MYO1C: variants seen among roughly 807,000 people sequenced by gnomAD.
MYO1C encodes the protein myosin IC.
In MYO1C, 104 loss-of-function variants were observed where a neutral mutation model predicts 150.8. The observed-to-expected ratio is 0.69, with a 90% CI of 0.59 to 0.81. The LOEUF is 0.81. Among genes scored for constraint, MYO1C ranks in the 30% least tolerant of loss-of-function variants. MYO1C has a pLI of 0.00. For missense variants in MYO1C, 1,504 were observed against 1,435.0 expected (o/e 1.05, Z -0.78); for synonymous variants, 663 against 579.9 (o/e 1.14, Z -2.06).
intron 23 of MYO1C, 32 bp downstream of exon 23, chr17:1,470,403 C>G: frequency 1.3e-6 from 2 of 1,549,486 alleles, no homozygotes; most frequent in Non-Finnish European, 1.7e-6. Flanking sequence ...ACGCCCTGCT[C>G]TGCAGCCCCC....
In MYO1C at chr17:1,477,498, C is replaced by A; in HGVS notation, c.1574+7G>T. ...CTTGCCCCCAGCAGCCCCGCAGCCC[C>A]ACTCACGTCAGGAAGTGTGGATGGT... On this transcript the variant is annotated splice_region_variant and intron_variant, in intron 14 of 31. Transcript: ENST00000648651. The A allele has an allele frequency of 6.2e-7, 1 of 1,613,490 alleles. No homozygotes were observed. The highest frequency in any genetic ancestry group is 8.5e-7 in the Non-Finnish European group (1 of 1,179,814).
intron 14 of MYO1C, among the ~76,000 whole-genome samples, chr17:1,475,330 A>G (rs573348152): frequency 4.4e-4 from 67 of 152,144 alleles, no homozygotes; most frequent in African/African-American, 1.6e-3. Flanking sequence ...GACAAAGGAG[A>G]ATCGCTTGAA....
intron 14 of MYO1C, among the ~76,000 whole-genome samples, chr17:1,475,602 CT>C (rs1253932653): frequency 6.6e-6 from 1 of 152,272 alleles, no homozygotes; most frequent in African/African-American, 2.4e-5. Context: ...GCTGCGGGCT[CT>C]GCTCAGAAGG....
Position 1,472,014 on chromosome 17 carries a change from G to A in MYO1C, c.1914C>T (p.Asp638=), listed in dbSNP as rs527860096. 3.0e-5 allele frequency: 48 copies of A among 1,614,022 alleles called. No individual in the cohort carries two copies. The highest frequency in any genetic ancestry group is 2.2e-4 in the Admixed American group (13 of 60,034). The change falls in exon 19 of 32, where the codon GAC becomes GAT. Residue 638 remains aspartate (D), a synonymous_variant. Transcript: ENST00000648651. ...PNDAKQPGRF[D]EVLIRHQVKY... ...TCACCTGGTGGCGGATCAGCACCTCGTCAAAGCGGCCTGGGGTAGGGGGAG... is the reference window on the plus strand; with the variant it reads ...TCACCTGGTGGCGGATCAGCACCTCATCAAAGCGGCCTGGGGTAGGGGGAG...
chr17:1,490,016 A>G (rs1198679843), intron 1 of MYO1C, among the ~76,000 whole-genome samples: 2 of 133,886 alleles, frequency 1.5e-5, no homozygotes, highest in East Asian at 4.3e-4. Flanking sequence ...CTCCAGACTG[A>G]GTGACAGAGA....
chr17:1,483,166 C>A, intron 3 of MYO1C, 107 bp from the exon 4 acceptor site: 3 of 1,147,368 alleles, frequency 2.6e-6, no homozygotes, highest in Non-Finnish European at 3.7e-6. Flanking sequence ...GTCGAATACA[C>A]CCTTGAGGAT....
rs2074435177 is a variant in MYO1C, at chr17:1,478,016, A to C, written c.1402-45T>G. 1.2e-6 allele frequency: 2 copies of C among 1,611,926 alleles called. No individual in the cohort carries two copies. Among genetic ancestry groups the C allele is most frequent in the Non-Finnish European group, 8.5e-7 (1 of 1,178,128 alleles). On this transcript the variant is annotated intron_variant, in intron 12 of 31. Transcript: ENST00000648651. This position sits in a 1 kb window ranked among gnomAD's most constrained non-coding sequence, Gnocchi z 6.3. Reference sequence around the variant, plus strand: ...GAAGGGATCACCGTGGGGTCCTGGCACCCTCTCCCAGGGGCCCCGATACCC... The same window carrying C: ...GAAGGGATCACCGTGGGGTCCTGGCCCCCTCTCCCAGGGGCCCCGATACCC...
chr17:1,481,781 A>G (rs1353503852), intron 5 of MYO1C, among the ~76,000 whole-genome samples: 5 of 150,300 alleles, frequency 3.3e-5, no homozygotes, highest in South Asian at 4.2e-4. Flanking sequence ...GATTACAGGC[A>G]TGAGCCACCT....
chr17:1,487,712 G>A (rs189554613), intron 1 of MYO1C, among the ~76,000 whole-genome samples: 101 of 152,336 alleles, frequency 6.6e-4, no homozygotes, highest in African/African-American at 2.4e-3. Context: ...GAGTTCAGGA[G>A]TTCGAGACCA....
intron 15 of MYO1C, 28 bp downstream of exon 15, chr17:1,474,908 CCT>C (rs1218495340): frequency 2.5e-6 from 4 of 1,611,610 alleles, no homozygotes; most frequent in Admixed American, 3.4e-5. Context: ...CCCGCAGGCC[CCT>C]GTGGGGACAC....
At chr17:1,468,349 T>C (rs765267825) in intron 26 of MYO1C, 41 bp from the exon 27 acceptor site, 77 of 1,613,514 alleles carry the variant, frequency 4.8e-5, no homozygotes, top group Non-Finnish European at 6.3e-5. Context: ...GTGGAGGCAA[T>C]GGGGGACCAG....
In MYO1C at chr17:1,478,507, C is replaced by G; in HGVS notation, c.1213-15G>C. ...CTCTCCACGTCCTAGGGCAGTCATT[C>G]AACCGAAGGCGTGGGCCCCCTGCGC... On this transcript the variant is annotated splice_polypyrimidine_tract_variant and intron_variant, in intron 10 of 31. Coordinates refer to ENST00000648651, the MANE Select transcript of MYO1C (RefSeq NM_001080779.2). The surrounding 1 kb of genome is among the most constrained non-coding windows in gnomAD (Gnocchi z 6.3). 1 of 1,614,070 alleles carries G rather than the reference C, an allele frequency of 6.2e-7. No homozygotes were observed. The highest frequency in any genetic ancestry group is 8.5e-7 in the Non-Finnish European group (1 of 1,179,998).
Position 1,488,547 on chromosome 17 carries a change from G to A in MYO1C, c.75+3866C>T, listed in dbSNP as rs114359696. 9.3e-4 allele frequency among the ~76,000 whole-genome samples: 142 copies of A among 152,360 alleles called. 1 individual carries two copies. Among genetic ancestry groups the A allele is most frequent in the African/African-American group, 3.0e-3 (126 of 41,588 alleles). ...TCCGTATCATCACTCCAATGCAGAA[G>A]AACTTGAGGCTGGGCAGGTGACTTG... On this transcript the variant is annotated intron_variant, in intron 1 of 31. Coordinates refer to ENST00000648651, the MANE Select transcript of MYO1C (RefSeq NM_001080779.2).
chr17:1,467,416 C>G, intron 30 of MYO1C, 64 bp downstream of exon 30: 1 of 1,596,146 alleles, frequency 6.3e-7, no homozygotes, highest in Non-Finnish European at 8.6e-7. Context: ...CCACCCTGTC[C>G]CTGGGTGCCC....
At position 1,472,192 on chromosome 17, in the gene MYO1C, C is replaced by G. The variant is rs1355430326; in HGVS notation, c.1834G>C (p.Val612Leu). Residue 612 changes from valine (V) to leucine (L), a missense_variant, in exon 18 of 32, where the codon GTG becomes CTG. Transcript: ENST00000648651. Reference protein sequence around the residue: ...TQFKMSLLQLVEILQSKEPAY... With the variant: ...TQFKMSLLQLLEILQSKEPAY... ...GGCTCCTTAGACTGCAGGATCTCCA[C>G]CAGCTGCAGGAGGCTCATCTTGAAC... 1.2e-6 allele frequency: 2 copies of G among 1,614,056 alleles called. No individual in the cohort carries two copies. The highest frequency in any genetic ancestry group is 1.7e-6 in the Non-Finnish European group (2 of 1,180,030).
rs1259670461 is a variant in MYO1C at position 1,486,839 on chromosome 17, G to C, written c.76-2536C>G. 2.6e-5 allele frequency: 4 copies of C among 152,358 alleles called. No individual in the cohort carries two copies. In the East Asian group the frequency reaches 7.7e-4, roughly 30 times the overall value. 9.4% of individuals were successfully genotyped at this position (152,358 alleles called of 1,614,324 possible). ...CCCATCTCCCTCCCTGCTTTGAAGG[G>C]GGCCTCCCTAGTCCCTCCGGATCTC... is the stretch of plus-strand genomic sequence containing the variant. On this transcript the variant is annotated intron_variant, in intron 1 of 31. Transcript: ENST00000648651.
intron 13 of MYO1C, 117 bp from the exon 14 acceptor site, chr17:1,477,713 TC>T: frequency 2.0e-6 from 2 of 987,180 alleles, no homozygotes; most frequent in Non-Finnish European, 1.6e-6. Context: ...ACAGGGAGTC[TC>T]CACAGAGAGC....
At position 1,465,706 on chromosome 17, in the gene MYO1C, G is replaced by A; in HGVS notation, c.*20C>T. Reference sequence around the variant, plus strand: ...AAAAGCAAAGCATTGGGCGTTGGGAGGGTCCAGTGGGCGCCTTTATCACCG... The same window carrying A: ...AAAAGCAAAGCATTGGGCGTTGGGAAGGTCCAGTGGGCGCCTTTATCACCG... On this transcript the variant is annotated 3_prime_UTR_variant, in exon 32 of 32. Transcript: ENST00000648651. 1.5e-6 allele frequency: 2 copies of A among 1,327,664 alleles called. No homozygotes were observed. The highest frequency in any genetic ancestry group is 1.5e-5 in the African/African-American group (1 of 66,564). 82.2% of individuals were successfully genotyped at this position (1,327,664 alleles called of 1,614,324 possible). A position where few individuals can be genotyped will look rare whatever the true frequency, so the allele number is the denominator to read the frequency against.
At position 1,471,157 on chromosome 17, in the gene MYO1C, C is replaced by T. The variant is rs777424229; in HGVS notation, c.2136-10G>A. On this transcript the variant is annotated splice_polypyrimidine_tract_variant and intron_variant, in intron 20 of 31. Transcript: ENST00000648651. ...GATGAAGATCTTGGTCCTGGGAGAG[C>T]AGTAGTGATCAGCCCGGGGTTGCCA... 6.2e-7 allele frequency: 1 copy of T among 1,614,074 alleles called. No homozygotes were observed. Among genetic ancestry groups the T allele is most frequent in the South Asian group, 1.1e-5 (1 of 91,084 alleles).
Sources: allele counts gnomAD v4.1 joint callset (sites outside exome capture counted in the v4.1 genomes callset), GRCh38; gene constraint gnomAD v4.1.1; non-coding constraint Gnocchi (gnomAD v3.1); transcripts MANE v1.5; gene names NCBI Gene and HGNC (gene_info 2026-07-23, HGNC 2026-07-21).